The following GATA4 variants were observed in gnomAD, a reference collection of about 807,000 sequenced individuals.
GATA4 encodes GATA binding protein 4.
GATA4 carries 7 observed loss-of-function variants against 37.9 expected under a neutral mutation model. That is an observed-to-expected ratio of 0.18 (90% CI 0.11 to 0.35). The LOEUF is 0.35. Ranked by LOEUF, GATA4 falls within the 10% of genes least tolerant of loss-of-function variation. The pLI, the probability that GATA4 is intolerant of heterozygous loss-of-function variation, is 1.00. For synonymous variants in GATA4, 372 were observed against 292.6 expected, an observed-to-expected ratio of 1.27 and a Z score of -2.77; for missense variants, 647 against 653.0, an observed-to-expected ratio of 0.99 and a Z score of 0.10.
intron 4 of GATA4, among the ~76,000 whole-genome samples, chr8:11,751,583 G>A (rs1802306642): frequency 6.6e-6 from 1 of 152,164 alleles, no homozygotes; most frequent in African/African-American, 2.4e-5. Context: ...AACCAAACCA[G>A]AAACAGATAG....
At chr8:11,698,816 C>T (rs1193319793) in intron 1 of GATA4, among the ~76,000 whole-genome samples, 1 of 152,104 alleles carries the variant, frequency 6.6e-6, no homozygotes, top group Non-Finnish European at 1.5e-5. Flanking sequence ...CCGGGGTGTC[C>T]TTAGGAGCAG....
chr8:11,747,422 G>A (rs763935389), intron 2 of GATA4, among the ~76,000 whole-genome samples: 10 of 152,236 alleles, frequency 6.6e-5, no homozygotes, highest in Non-Finnish European at 1.3e-4. Context: ...GACCCCGGCA[G>A]CCTTGTGGTA....
intron 1 of GATA4, among the ~76,000 whole-genome samples, chr8:11,706,847 A>T (rs1191119243): frequency 2.0e-5 from 3 of 152,120 alleles, no homozygotes; most frequent in Non-Finnish European, 2.9e-5. Context: ...ATGAGGAGAG[A>T]CACCTGTACT....
At position 11,708,337 on chromosome 8, in the gene GATA4, G is replaced by A. The variant is rs864321699; in HGVS notation, c.25G>A (p.Ala9Thr). The A allele has an allele frequency of 1.3e-6, 2 of 1,583,724 alleles. No homozygotes were observed. Among genetic ancestry groups the A allele is most frequent in the African/African-American group, 1.3e-5 (1 of 74,656 alleles). The change falls in exon 2 of 7, where the codon GCC becomes ACC. Residue 9 changes from alanine to threonine, a missense_variant. By Grantham distance (58) the Ala-to-Thr change is moderately conservative (BLOSUM62 0). Coordinates refer to ENST00000532059, the MANE Select transcript of GATA4 (RefSeq NM_001308093.3). The surrounding 1 kb of genome is among the most constrained non-coding windows in gnomAD (Gnocchi z 6.7). ...CATGTATCAGAGCTTGGCCATGGCCGCCAACCACGGGCCGCCCCCCGGTGC... is the reference window on the plus strand; with the variant it reads ...CATGTATCAGAGCTTGGCCATGGCCACCAACCACGGGCCGCCCCCCGGTGC... Reference protein sequence around the residue: MYQSLAMAANHGPPPGAYE... With the variant: MYQSLAMATNHGPPPGAYE...
chr8:11,687,791 T>C (rs994635399), upstream of GATA4, among the ~76,000 whole-genome samples: 43 of 152,168 alleles, frequency 2.8e-4, no homozygotes, highest in African/African-American at 9.7e-4. Flanking sequence ...CAGGTTTTAT[T>C]GGGATCCCTT....
intron 1 of GATA4, among the ~76,000 whole-genome samples, chr8:11,704,868 G>A (rs1465941509): frequency 3.9e-5 from 6 of 152,240 alleles, no homozygotes; most frequent in African/African-American, 1.4e-4. Context: ...CGGCCTCCTC[G>A]CCCTCGGGGC....
upstream of GATA4, among the ~76,000 whole-genome samples, chr8:11,699,723 G>C (rs887712428): frequency 2.0e-5 from 3 of 152,260 alleles, no homozygotes; most frequent in African/African-American, 7.2e-5. Flanking sequence ...GACCTGAAGA[G>C]CCCCTCCCTA....
intron 2 of GATA4, among the ~76,000 whole-genome samples, chr8:11,714,674 TC>T (rs1453513311): frequency 1.3e-5 from 2 of 152,176 alleles, no homozygotes; most frequent in Non-Finnish European, 2.9e-5. Flanking sequence ...CCCAGTTGTG[TC>T]CCATCAAAAG....
chr8:11,747,707 G>C (rs1384970712), intron 2 of GATA4, among the ~76,000 whole-genome samples: 1 of 152,140 alleles, frequency 6.6e-6, no homozygotes, highest in Non-Finnish European at 1.5e-5. Context: ...ACAGACTTAA[G>C]TAAGGAGCAG....
At chr8:11,748,889 T>G (rs1049428107) in intron 2 of GATA4, 27 bp from the exon 3 acceptor site, 1 of 1,613,742 alleles carries the variant, frequency 6.2e-7, no homozygotes, top group Non-Finnish European at 8.5e-7. Flanking sequence ...CCTCTGTGTC[T>G]TTTCTTGTCT....
At chr8:11,721,712 G>A (rs1800686101) in intron 2 of GATA4, among the ~76,000 whole-genome samples, 1 of 152,202 alleles carries the variant, frequency 6.6e-6, no homozygotes, top group Admixed American at 6.5e-5. Context: ...GCCCTGGGAA[G>A]GAAGAGGAGT....
At chr8:11,733,443 T>C (rs528684550) in intron 2 of GATA4, among the ~76,000 whole-genome samples, 5 of 152,352 alleles carry the variant, frequency 3.3e-5, no homozygotes, top group African/African-American at 1.2e-4. Flanking sequence ...GTGATGTTCA[T>C]TGCAGCCCTG....
In GATA4 at chr8:11,738,180, C is replaced by CAA. The variant is rs35759534; in HGVS notation, c.617-10719_617-10718dup. On this transcript the variant is annotated intron_variant, in intron 2 of 6. Coordinates refer to ENST00000532059, the MANE Select transcript of GATA4 (RefSeq NM_001308093.3). ...TGGGTGACAGAGCAAGACTCTGTCT[C>CAA]AAAAAAAAAAAAAAAAAATCACTAT... is the stretch of plus-strand genomic sequence containing the variant. 2.4e-3 allele frequency among the ~76,000 whole-genome samples: 195 copies of CAA among 82,412 alleles called. 1 individual carries two copies. The highest frequency in any genetic ancestry group is 5.7e-3 in the East Asian group (22 of 3,846). The allele number at this position is 82,412 out of a possible 152,430, so 54.1% of individuals were successfully genotyped here.
intron 2 of GATA4, among the ~76,000 whole-genome samples, chr8:11,740,138 G>T (rs563238036): frequency 6.6e-6 from 1 of 152,294 alleles, no homozygotes; most frequent in East Asian, 1.9e-4. Context: ...CCCAGGAGCT[G>T]CAGGACCCAG....
intron 2 of GATA4, among the ~76,000 whole-genome samples, chr8:11,719,849 G>C (rs1431455594): frequency 2.6e-5 from 4 of 152,154 alleles, no homozygotes; most frequent in African/African-American, 7.2e-5. Flanking sequence ...TGGAAGAGTT[G>C]GGTGTAAAAA....
chr8:11,712,771 G>C (rs530694410), intron 2 of GATA4, among the ~76,000 whole-genome samples: 12 of 152,210 alleles, frequency 7.9e-5, no homozygotes, highest in South Asian at 2.1e-4. Flanking sequence ...TGAGGTGGGA[G>C]GATCGCTTGA....
rs1291320594 is a variant in GATA4 at position 11,695,495 on chromosome 8, G to A, written c.-729+2835G>A. On this transcript the variant is annotated intron_variant, in intron 1 of 2. Coordinates refer to the GATA4 transcript ENST00000526974. ...TGTACAGAAAAGGCCATGTTTCACT[G>A]ACTGCTTTTCCCTTAGTCCATTCAG... 8.5e-5 allele frequency among the ~76,000 whole-genome samples: 13 copies of A among 152,316 alleles called. No individual in the cohort carries two copies. In the South Asian group the frequency reaches 2.7e-3, roughly 32 times the overall value.
At chr8:11,687,480 C>T (rs1799174600) in intron 1 of GATA4, among the ~76,000 whole-genome samples, 1 of 152,152 alleles carries the variant, frequency 6.6e-6, no homozygotes, top group South Asian at 2.1e-4. Context: ...GAGCTCTGTG[C>T]CCTCATCTGT....
chr8:11,754,481 G>T (rs1585697259), intron 4 of GATA4, among the ~76,000 whole-genome samples: 1 of 152,180 alleles, frequency 6.6e-6, no homozygotes, highest in Non-Finnish European at 1.5e-5. Flanking sequence ...GCCACCCAAA[G>T]TGCTGGGATT....
Sources: gnomAD v4.1 joint callset for allele counts (sites outside exome capture counted in the v4.1 genomes callset) on GRCh38, gnomAD v4.1.1 for gene constraint, Gnocchi (gnomAD v3.1) non-coding constraint, MANE v1.5 for transcripts, NCBI Gene and HGNC (gene_info 2026-07-23, HGNC 2026-07-21) for gene names.